Variants in PPFIBP2 observed in about 807,000 individuals in gnomAD.
PPFIBP2 encodes PPFIB scaffold protein 2, also known as liprin-beta-2.
In PPFIBP2, 118 loss-of-function variants were observed where a neutral mutation model predicts 118.3. The ratio of observed to expected loss-of-function variants is 1.00; its 90% CI spans 0.86 to 1.16. The LOEUF is 1.16. PPFIBP2 is among the 50% of genes most tolerant of loss of function. PPFIBP2 has a pLI of 0.00. For missense variants in PPFIBP2, 1,195 were observed against 1,073.1 expected, an observed-to-expected ratio of 1.11 and a Z score of -1.59; for synonymous variants, 414 against 397.4, an observed-to-expected ratio of 1.04 and a Z score of -0.50.
Position 7,649,217 on chromosome 11 carries a change from G to A in PPFIBP2, c.1980G>A (p.Met660Ile). Residue 660 changes from methionine to isoleucine, a missense_variant, in exon 20 of 24, where the codon ATG becomes ATA. Met to Ile is a conservative substitution (Grantham distance 10). Coordinates refer to ENST00000299492, the MANE Select transcript of PPFIBP2 (RefSeq NM_003621.5). Reference sequence around the variant, plus strand: ...ATGAATCTAGAGTTGACAGACGAATGCTGCAATACCTAACTGTGGTGAGGA... The same window carrying A: ...ATGAATCTAGAGTTGACAGACGAATACTGCAATACCTAACTGTGGTGAGGA... ...QFHESRVDRR[M>I]LQYLTVNDLL... 1 of 1,613,708 alleles carries A rather than the reference G, an allele frequency of 6.2e-7. No homozygotes were observed. The highest frequency in any genetic ancestry group is 8.5e-7 in the Non-Finnish European group (1 of 1,179,616).
chr11:7,579,330 G>A (rs1228745851), intron 3 of PPFIBP2, among the ~76,000 whole-genome samples: 1 of 152,086 alleles, frequency 6.6e-6, no homozygotes, highest in African/African-American at 2.4e-5. Context: ...TAAAATTATT[G>A]CTTTAGAACC....
rs574374811 is a variant in PPFIBP2, at chr11:7,650,211, A to C, written c.2121+557A>C. Among the ~76,000 whole-genome samples the C allele has an allele frequency of 6.6e-5, 10 of 152,310 alleles. No homozygotes were observed. The South Asian group carries it at 2.1e-3, about 32-fold the overall frequency. On this transcript the variant is annotated intron_variant, in intron 21 of 23. Coordinates refer to ENST00000299492, the MANE Select transcript of PPFIBP2 (RefSeq NM_003621.5). ...CTTCGGAGTTCTTGGTGGACCCCCA[A>C]ACTGAAGATTGTCAGTCACATCCTA...
chr11:7,603,259 T>C (rs909932497), intron 5 of PPFIBP2, among the ~76,000 whole-genome samples: 2 of 152,218 alleles, frequency 1.3e-5, no homozygotes, highest in African/African-American at 4.8e-5. Context: ...TTCATGCTTA[T>C]CCCATGTGAT....
chr11:7,572,759 G>C (rs73411132), intron 3 of PPFIBP2, among the ~76,000 whole-genome samples: 1 of 152,086 alleles, frequency 6.6e-6, no homozygotes, highest in African/African-American at 2.4e-5. Context: ...TCTATGTTTC[G>C]AAGAATGTTT....
At chr11:7,572,338 A>G (rs1855745766) in intron 3 of PPFIBP2, among the ~76,000 whole-genome samples, 1 of 152,300 alleles carries the variant, frequency 6.6e-6, no homozygotes, top group South Asian at 2.1e-4. Context: ...GCCTTCAGCC[A>G]CTGCAAATTT....
At position 7,622,002 on chromosome 11, in the gene PPFIBP2, A is replaced by G. The variant is rs1347501567; in HGVS notation, c.711+975A>G. Among the ~76,000 whole-genome samples the G allele has an allele frequency of 5.3e-5, 8 of 152,250 alleles. No homozygotes were observed. In the East Asian group the frequency reaches 9.6e-4, roughly 18 times the overall value. The stretch of plus-strand genomic sequence containing the variant: ...CCATTGCTAATATTTCCTTCCGTGT[A>G]TTATTCTCTTCTGTTTTAGGTCTGT... On this transcript the variant is annotated intron_variant, in intron 7 of 23. Transcript: ENST00000299492.
chr11:7,599,786 A>G (rs1349854685), intron 5 of PPFIBP2, among the ~76,000 whole-genome samples: 1 of 145,450 alleles, frequency 6.9e-6, no homozygotes, highest in Non-Finnish European at 1.5e-5. Context: ...GCCTGCCACC[A>G]CGCCCGGCTA....
chr11:7,618,318 G>A (rs768750280), intron 6 of PPFIBP2, among the ~76,000 whole-genome samples: 1 of 152,172 alleles, frequency 6.6e-6, no homozygotes, highest in African/African-American at 2.4e-5. Context: ...AAGGAAAAAC[G>A]TGTGTGTACT....
intron 2 of PPFIBP2, among the ~76,000 whole-genome samples, chr11:7,552,805 T>C (rs1220756633): frequency 6.6e-6 from 1 of 152,104 alleles, no homozygotes; most frequent in Non-Finnish European, 1.5e-5. Context: ...TATGCTGAAA[T>C]GTTACCGTAC....
chr11:7,604,051 G>A (rs2062080478), intron 5 of PPFIBP2, among the ~76,000 whole-genome samples: 1 of 152,170 alleles, frequency 6.6e-6, no homozygotes, highest in African/African-American at 2.4e-5. Flanking sequence ...CTTCAGCAGG[G>A]GGCAAGCATT....
chr11:7,658,907 G>C (rs371558033), downstream of PPFIBP2, among the ~76,000 whole-genome samples: 2,411 of 90,248 alleles, frequency 0.027, no homozygotes, highest in Middle Eastern at 0.033. Flanking sequence ...GTGATGATGA[G>C]CATTTTTTCA....
At chr11:7,564,707 G>C (rs998471369) in intron 2 of PPFIBP2, among the ~76,000 whole-genome samples, 5 of 152,220 alleles carry the variant, frequency 3.3e-5, no homozygotes, top group Non-Finnish European at 7.3e-5. Flanking sequence ...GAAGATCCCA[G>C]ATGGCTTCAT....
At chr11:7,622,312 T>C (rs1197709005) in intron 7 of PPFIBP2, among the ~76,000 whole-genome samples, 2 of 152,214 alleles carry the variant, frequency 1.3e-5, no homozygotes, top group Admixed American at 1.3e-4. Context: ...CCACCATTCA[T>C]GAGAAATCTA....
chr11:7,558,833 A>G (rs1474805034), intron 2 of PPFIBP2, among the ~76,000 whole-genome samples: 1 of 152,212 alleles, frequency 6.6e-6, no homozygotes, highest in Non-Finnish European at 1.5e-5. Flanking sequence ...ATCCTCAAAA[A>G]TAATTATTAA....
chr11:7,547,060 G>C (rs192114852), intron 1 of PPFIBP2, among the ~76,000 whole-genome samples: 115 of 152,332 alleles, frequency 7.5e-4, no homozygotes, highest in Middle Eastern at 3.4e-3. Context: ...AAGGCAGACA[G>C]GGTCCCTCTG....
intron 3 of PPFIBP2, among the ~76,000 whole-genome samples, chr11:7,572,821 C>T (rs1044417244): frequency 6.6e-6 from 1 of 152,128 alleles, no homozygotes; most frequent in African/African-American, 2.4e-5. Context: ...CTCTTATTGC[C>T]CAGGCTGGAG....
In PPFIBP2 at chr11:7,639,721, C is replaced by T. The variant is rs760114189; in HGVS notation, c.1237-11C>T. ...AGTCGGTATCTCTCTCTTTCTCTCA[C>T]CTTCCAATAGGACAGCCCTTTCTTG... On this transcript the variant is annotated splice_polypyrimidine_tract_variant and intron_variant, in intron 14 of 23. Coordinates refer to ENST00000299492, the MANE Select transcript of PPFIBP2 (RefSeq NM_003621.5). 2 of 1,613,878 alleles carry T rather than the reference C, an allele frequency of 1.2e-6. No individual in the cohort carries two copies. Among genetic ancestry groups the T allele is most frequent in the Non-Finnish European group, 8.5e-7 (1 of 1,179,948 alleles).
At chr11:7,651,550 C>A in intron 22 of PPFIBP2, 106 bp from the exon 23 acceptor site, 1 of 1,020,508 alleles carries the variant, frequency 9.8e-7, no homozygotes, top group Non-Finnish European at 1.4e-6. Context: ...GCTCCTGTCC[C>A]TCCTCTGGAG....
chr11:7,607,496 G>A (rs935959719), intron 5 of PPFIBP2, among the ~76,000 whole-genome samples: 7 of 152,128 alleles, frequency 4.6e-5, no homozygotes, highest in Non-Finnish European at 8.8e-5. Context: ...TGCTAGGCAT[G>A]AGCCACTGTG....
Sources: allele counts gnomAD v4.1 joint callset (sites outside exome capture counted in the v4.1 genomes callset), GRCh38; gene constraint gnomAD v4.1.1; transcripts MANE v1.5; gene names NCBI Gene and HGNC (gene_info 2026-07-23, HGNC 2026-07-21).